Variants in RNLS observed in about 807,000 individuals in gnomAD.
The protein encoded by RNLS is renalase.
In RNLS, 39 loss-of-function variants were observed where a neutral mutation model predicts 39.8. The observed-to-expected ratio is 0.98, with a 90% CI of 0.76 to 1.28. The LOEUF is 1.28. Ranked by LOEUF, RNLS falls within the 50% of genes most tolerant of loss-of-function variation. The probability of loss-of-function intolerance (pLI) is 0.00; values close to 1 mark genes in which losing one functional copy is unlikely to be tolerated. For synonymous variants in RNLS, 147 were observed against 150.7 expected (o/e 0.98, Z 0.18); for missense variants, 410 against 413.3 (o/e 0.99, Z 0.07).
At chr10:88,210,947 A>G in the RNLS span, among the ~76,000 whole-genome samples, 2,923 of 152,220 alleles carry the variant, frequency 0.019, 99 homozygotes, top group African/African-American at 0.067. Context: ...TTGAGGATCA[A>G]TGCTGGGTTG....
chr10:88,269,369 C>T (rs1842586428), downstream of RNLS, among the ~76,000 whole-genome samples: 1 of 152,174 alleles, frequency 6.6e-6, no homozygotes. Context: ...AGCTGAGGTC[C>T]TATGCATGAA....
chr10:88,559,662 C>CTCATTCATTCAT (rs3033889), intron 4 of RNLS, among the ~76,000 whole-genome samples: 6,152 of 151,134 alleles, frequency 0.041, 214 homozygotes, highest in African/African-American at 0.084. Context: ...GATTGTTTCA[C>CTCATTCATTCAT]TCATTCATTC....
chr10:88,380,700 T>C (rs1415896164), intron 4 of RNLS, among the ~76,000 whole-genome samples: 4 of 152,142 alleles, frequency 2.6e-5, no homozygotes, highest in Non-Finnish European at 5.9e-5. Context: ...GTGTCTTTTT[T>C]AGAAAAAGGC....
chr10:88,242,879 G>A, the RNLS span, among the ~76,000 whole-genome samples: 1 of 152,132 alleles, frequency 6.6e-6, no homozygotes, highest in African/African-American at 2.4e-5. Flanking sequence ...CCTGGGAGGT[G>A]GAGGTTGCGG....
the RNLS span, among the ~76,000 whole-genome samples, chr10:88,248,677 C>A: frequency 6.6e-6 from 1 of 152,044 alleles, no homozygotes; most frequent in Non-Finnish European, 1.5e-5. Context: ...GGGGTCAGCC[C>A]CTTTGGTTTC....
chr10:88,288,778 A>C (rs892254866), intron 6 of RNLS, among the ~76,000 whole-genome samples: 1 of 152,216 alleles, frequency 6.6e-6, no homozygotes, highest in East Asian at 1.9e-4. Flanking sequence ...GGATGAAATC[A>C]ATCTCACTGC....
chr10:88,337,741 CAAT>C (rs531229950), intron 5 of RNLS, among the ~76,000 whole-genome samples: 137 of 152,242 alleles, frequency 9.0e-4, no homozygotes, highest in Non-Finnish European at 1.6e-3. Context: ...TTTTCAGGAA[CAAT>C]AATAAGTCTC....
At chr10:88,457,461 G>C (rs546980821) in intron 4 of RNLS, among the ~76,000 whole-genome samples, 1 of 152,138 alleles carries the variant, frequency 6.6e-6, no homozygotes, top group Non-Finnish European at 1.5e-5. Flanking sequence ...AAAACCATTT[G>C]CCACCTCAAC....
the RNLS span, among the ~76,000 whole-genome samples, chr10:88,222,694 G>GT: frequency 1.3e-5 from 1 of 77,630 alleles, no homozygotes; most frequent in East Asian, 5.1e-4. Context: ...ACCATGAGAG[G>GT]TAAGTGTCTA....
chr10:88,259,064 T>G, the RNLS span: 1 of 152,232 alleles, frequency 6.6e-6, no homozygotes, highest in African/African-American at 2.4e-5. Context: ...GCAAATGCTA[T>G]CACACACTGG....
intron 4 of RNLS, among the ~76,000 whole-genome samples, chr10:88,395,049 G>T (rs1041268478): frequency 5.3e-5 from 8 of 151,920 alleles, no homozygotes; most frequent in African/African-American, 1.9e-4. Flanking sequence ...GTTGTGGGGT[G>T]GGGGGACGGG....
intron 5 of RNLS, among the ~76,000 whole-genome samples, chr10:88,346,685 T>C (rs1848327932): frequency 6.6e-6 from 1 of 152,136 alleles, no homozygotes; most frequent in African/African-American, 2.4e-5. Context: ...ATTTCAGAGT[T>C]GCAAAAAGGA....
chr10:88,187,106 T>C, the RNLS span, among the ~76,000 whole-genome samples: 1,117 of 147,258 alleles, frequency 7.6e-3, 15 homozygotes, highest in African/African-American at 0.025. Context: ...CTTTTGTAGG[T>C]TGAGAAACGC....
rs1469484867 is a variant in RNLS at position 88,302,765 on chromosome 10, CTT to C, written c.876+11699_876+11700del. ...TGACTACTTTGAAGAGGACAACAAT[CTT>C]TTGGATTTACAAGTTTGGTATATAC... On this transcript the variant is annotated intron_variant, in intron 6 of 6. Coordinates refer to ENST00000331772, the MANE Select transcript of RNLS (RefSeq NM_001031709.3). 3.3e-5 allele frequency among the ~76,000 whole-genome samples: 5 copies of C among 152,242 alleles called. No individual in the cohort carries two copies. The South Asian group carries it at 1.0e-3, about 32-fold the overall frequency.
chr10:88,522,622 G>A (rs1846826271), intron 4 of RNLS, among the ~76,000 whole-genome samples: 1 of 152,002 alleles, frequency 6.6e-6, no homozygotes, highest in South Asian at 2.1e-4. Flanking sequence ...CCCTCTATAA[G>A]GGTACTTATT....
chr10:88,437,208 A>C (rs10509545), intron 4 of RNLS, among the ~76,000 whole-genome samples: 9,566 of 152,292 alleles, frequency 0.063, 441 homozygotes, highest in African/African-American at 0.12. Flanking sequence ...TGAGTGGTAT[A>C]AAGAAGTATC....
chr10:88,428,749 A>G (rs1359782808), intron 4 of RNLS, among the ~76,000 whole-genome samples: 1 of 152,006 alleles, frequency 6.6e-6, no homozygotes, highest in Non-Finnish European at 1.5e-5. Flanking sequence ...TTTAGACAAC[A>G]TCAGAGGAAT....
At chr10:88,364,734 G>A (rs1279336789) in intron 4 of RNLS, among the ~76,000 whole-genome samples, 2 of 152,008 alleles carry the variant, frequency 1.3e-5, no homozygotes, top group African/African-American at 2.4e-5. Flanking sequence ...CTTGATGAAC[G>A]AATGATCTGA....
intron 4 of RNLS, among the ~76,000 whole-genome samples, chr10:88,379,661 A>G (rs935652181): frequency 8.5e-5 from 13 of 152,198 alleles, no homozygotes; most frequent in Admixed American, 2.0e-4. Flanking sequence ...TTCTATCAAG[A>G]GGTAGGGTCT....
Sources: allele counts gnomAD v4.1 joint callset (sites outside exome capture counted in the v4.1 genomes callset), GRCh38; gene constraint gnomAD v4.1.1; transcripts MANE v1.5; gene names NCBI Gene and HGNC (gene_info 2026-07-23, HGNC 2026-07-21).